Variants in DNM1 observed in about 807,000 individuals in gnomAD.
DNM1 encodes the protein dynamin 1.
A neutral mutation model predicts 104.6 loss-of-function variants in DNM1; 29 were observed. The observed-to-expected ratio is 0.28, with a 90% CI of 0.21 to 0.38. The LOEUF is 0.38. Among genes scored for constraint, DNM1 ranks in the 10% least tolerant of loss-of-function variants. The pLI is 1.00. For missense variants in DNM1, 640 were observed against 1,189.4 expected (o/e 0.54, Z 6.79); for synonymous variants, 445 against 475.8 (o/e 0.94, Z 0.84).
chr9:128,222,692 C>A lies in DNM1; in HGVS notation c.1128+96C>A. The A allele has an allele frequency of 1.2e-6, 2 of 1,600,518 alleles. No homozygotes were observed. Among genetic ancestry groups the A allele is most frequent in the Non-Finnish European group, 1.7e-6 (2 of 1,170,150 alleles). On this transcript the variant is annotated intron_variant, in intron 8 of 21. Transcript: ENST00000372923. This position sits in a 1 kb window ranked among gnomAD's most constrained non-coding sequence, Gnocchi z 7.8. ...TGTGTTTTTGCTGGCCCCCACCCCA[C>A]AGGCCCTGATGCCCAGCCCTAGGTG...
chr9:128,212,664 T>G (rs141758677), intron 1 of DNM1, among the ~76,000 whole-genome samples: 3 of 152,366 alleles, frequency 2.0e-5, no homozygotes, highest in Admixed American at 6.5e-5. Flanking sequence ...ATTTCACCTT[T>G]CTGAGTCTCA....
chr9:128,242,669 A>G (rs1053220696), intron 15 of DNM1, among the ~76,000 whole-genome samples: 1 of 152,208 alleles, frequency 6.6e-6, no homozygotes, highest in African/African-American at 2.4e-5. Context: ...CTGAGACACA[A>G]GAATGCCTTG....
At position 128,253,797 on chromosome 9, in the gene DNM1, C is replaced by G. The variant is rs558929081; in HGVS notation, c.2535-857C>G. The stretch of plus-strand genomic sequence containing the variant: ...CCCTCCCTCCCAGGTACCGTCATAG[C>G]TGCTAGTGTGACTGAAGGCAGTGTC... On this transcript the variant is annotated intron_variant, in intron 21 of 21. Transcript: ENST00000372923. The surrounding 1 kb of genome is among the most constrained non-coding windows in gnomAD (Gnocchi z 5.9). 10 of 557,332 alleles carry G rather than the reference C, an allele frequency of 1.8e-5. 1 individual carries two copies. In the Admixed American group the frequency reaches 4.4e-4, roughly 25 times the overall value. The allele number at this position is 557,332 out of a possible 1,614,324, so 34.5% of individuals were successfully genotyped here.
chr9:128,229,600 C>CAAAAAAAAAAAAAA (rs56072236), intron 10 of DNM1, among the ~76,000 whole-genome samples: 4 of 66,674 alleles, frequency 6.0e-5, no homozygotes, highest in Non-Finnish European at 7.9e-5. Context: ...AAAACCTTAT[C>CAAAAAAAAAAAAAA]AAAAAAAAAA....
chr9:128,221,041 C>G (rs1834986561), intron 6 of DNM1: 1 of 142,186 alleles, frequency 7.0e-6, no homozygotes, highest in Non-Finnish European at 1.5e-5. Context: ...TTCTTTCTCT[C>G]TTTCTTTCTC....
chr9:128,224,569 C>A lies in DNM1; in HGVS notation c.1335+180C>A, dbSNP rs1835229593. Among the ~76,000 whole-genome samples, 1 of 152,100 alleles carries A rather than the reference C, an allele frequency of 6.6e-6. No homozygotes were observed. The highest frequency in any genetic ancestry group is 2.1e-4 in the South Asian group (1 of 4,828). ...GCCTCTGAGAGGGCCTCACCCACCC[C>A]TGGCCCCCAGGTCTGGGGACCCAGG... On this transcript the variant is annotated intron_variant, in intron 10 of 21. Transcript: ENST00000372923. This position sits in a 1 kb window ranked among gnomAD's most constrained non-coding sequence, Gnocchi z 4.3.
At chr9:128,233,892 T>TC in intron 10 of DNM1, 129 bp from the exon 11 acceptor site, 3 of 810,952 alleles carry the variant, frequency 3.7e-6, no homozygotes, top group Non-Finnish European at 6.2e-6. Context: ...AGGTCTCTCT[T>TC]CCCCGCGTTG....
chr9:128,209,677 G>A (rs570066482), intron 1 of DNM1, among the ~76,000 whole-genome samples: 24 of 152,266 alleles, frequency 1.6e-4, no homozygotes, highest in South Asian at 1.0e-3. Context: ...AGGCTGCCCC[G>A]TCATTTCCCT....
intron 21 of DNM1, chr9:128,252,642 C>G (rs1267945303): frequency 7.1e-6 from 3 of 422,982 alleles, no homozygotes; most frequent in Non-Finnish European, 1.4e-5. Flanking sequence ...TGTTGGGGCT[C>G]AATGCTGTGG....
rs181101221 is a variant in DNM1 at position 128,231,453 on chromosome 9, G to A, written c.1336-2568G>A. Among the ~76,000 whole-genome samples, 72 of 152,102 alleles carry A rather than the reference G, an allele frequency of 4.7e-4. No homozygotes were observed. The East Asian group carries it at 7.9e-3, about 17-fold the overall frequency. On this transcript the variant is annotated intron_variant, in intron 10 of 21. Transcript: ENST00000372923. ...CGACCTCAGGTGATCTGCCCACCTC[G>A]GCCTCCCAATGTACTGGGATTACAG...
chr9:128,241,405 G>A (rs1361387079), intron 14 of DNM1, among the ~76,000 whole-genome samples: 1 of 152,224 alleles, frequency 6.6e-6, no homozygotes, highest in Non-Finnish European at 1.5e-5. Context: ...GCCATGAAAA[G>A]GGACCTTAGC....
intron 21 of DNM1, chr9:128,252,960 G>A (rs2131306817): frequency 1.3e-6 from 1 of 780,790 alleles, no homozygotes; most frequent in Non-Finnish European, 2.2e-6. Flanking sequence ...GTGGGCATGT[G>A]TGTTAGCGTG....
At chr9:128,230,614 C>A (rs1247963098) in intron 10 of DNM1, among the ~76,000 whole-genome samples, 2 of 151,846 alleles carry the variant, frequency 1.3e-5, no homozygotes, top group Middle Eastern at 3.4e-3. Context: ...TCACACCCAG[C>A]TAATTTTTTG....
intron 1 of DNM1, among the ~76,000 whole-genome samples, chr9:128,217,095 T>A (rs1270289017): frequency 6.6e-6 from 1 of 152,162 alleles, no homozygotes; most frequent in Non-Finnish European, 1.5e-5. Flanking sequence ...GAGGTTGACA[T>A]TGGCACGAGC....
In DNM1 at chr9:128,234,052, T is replaced by C; in HGVS notation, c.1367T>C (p.Met456Thr). 5 of 1,578,548 alleles carry C rather than the reference T, an allele frequency of 3.2e-6. No individual in the cohort carries two copies. Among genetic ancestry groups the C allele is most frequent in the Non-Finnish European group, 4.3e-6 (5 of 1,162,972 alleles). ...CAGTACCCGCGGCTACGGGAGGAGA[T>C]GGAGCGCATCGTGACCACCCACATC... ...LQQYPRLREE[M>T]ERIVTTHIRE... Residue 456 changes from methionine (M) to threonine (T), a missense_variant, in exon 11 of 22, where the codon ATG becomes ACG. By Grantham distance (81) the Met-to-Thr change is moderately conservative (BLOSUM62 -1). Around this residue, in one of 7 missense-constraint regions of DNM1, gnomAD observed 92 missense variants for 124.4 expected, o/e 0.74. Transcript: ENST00000372923.
chr9:128,203,382 C>A lies in DNM1; in HGVS notation c.-89C>A. On this transcript the variant is annotated 5_prime_UTR_variant, in exon 1 of 22. It adds an upstream start codon to the 5' untranslated region. Transcript: ENST00000372923. The surrounding 1 kb of genome is among the most constrained non-coding windows in gnomAD (Gnocchi z 5.3). ...GCGGGGGCCCCGCGGCGCAGGCAGT[C>A]TGGGCGCGCGGCTGCAGCGGCGGAG... 1 of 1,261,754 alleles carries A rather than the reference C, an allele frequency of 7.9e-7. No individual in the cohort carries two copies. Among genetic ancestry groups the A allele is most frequent in the Non-Finnish European group, 1.0e-6 (1 of 994,660 alleles). 78.2% of individuals were successfully genotyped at this position (1,261,754 alleles called of 1,614,324 possible).
chr9:128,246,614 C>T (rs1216442356), intron 16 of DNM1, 111 bp downstream of exon 16: 1 of 728,156 alleles, frequency 1.4e-6, no homozygotes, highest in East Asian at 2.7e-5. Context: ...GGCCCCACAG[C>T]AAGCCATCCA....
Position 128,220,858 on chromosome 9 carries a change from A to G in DNM1, c.849+517A>G, listed in dbSNP as rs1340069274. Among the ~76,000 whole-genome samples the G allele has an allele frequency of 1.4e-5, 2 of 142,124 alleles. No individual in the cohort carries two copies. Among genetic ancestry groups the G allele is most frequent in the East Asian group, 4.3e-4 (2 of 4,676 alleles). The allele number at this position is 142,124 out of a possible 152,430, so 93.2% of individuals were successfully genotyped here. A position where few individuals can be genotyped will look rare whatever the true frequency, so the allele number is the denominator to read the frequency against. ...CTGAGACACTCTCTCTGGCTCTCTG[A>G]GCCTCTATTTCTTTTTTCTTTATTT... On this transcript the variant is annotated intron_variant, in intron 6 of 21. Coordinates refer to ENST00000372923, the MANE Select transcript of DNM1 (RefSeq NM_004408.4). The surrounding 1 kb of genome is among the most constrained non-coding windows in gnomAD (Gnocchi z 5.2).
At chr9:128,207,343 G>T (rs745430003) in intron 1 of DNM1, among the ~76,000 whole-genome samples, 8 of 152,026 alleles carry the variant, frequency 5.3e-5, no homozygotes, top group Admixed American at 1.3e-4. Flanking sequence ...AAACCCGAGA[G>T]TAGATGAGCT....
Sources: gnomAD v4.1 joint callset for allele counts (sites outside exome capture counted in the v4.1 genomes callset) on GRCh38, gnomAD v4.1.1 for gene constraint, gnomAD v4.1.1 regional missense constraint, Gnocchi (gnomAD v3.1) non-coding constraint, MANE v1.5 for transcripts, NCBI Gene and HGNC (gene_info 2026-07-23, HGNC 2026-07-21) for gene names.